Variants in CLCN4 observed in about 807,000 individuals in gnomAD.
The protein encoded by CLCN4 is H(+)/Cl(-) exchange transporter 4.
CLCN4 carries 1 observed loss-of-function variant against 41.7 expected under a neutral mutation model. The ratio of observed to expected loss-of-function variants is 0.02; its 90% CI spans 0.01 to 0.11. The LOEUF is 0.11. Ranked by LOEUF, CLCN4 falls within the 10% of genes least tolerant of loss-of-function variation. The pLI is 1.00. For missense variants in CLCN4, 287 were observed against 661.0 expected (o/e 0.43, Z 6.20); for synonymous variants, 277 against 285.8 (o/e 0.97, Z 0.31).
rs888711522 is a variant in CLCN4 at position 10,228,215 on chromosome X, C to T, written c.2193-5279C>T. Among the ~76,000 whole-genome samples, 3 of 110,233 alleles carry T rather than the reference C, an allele frequency of 2.7e-5. No homozygotes were observed. In the Admixed American group the frequency reaches 2.9e-4, roughly 11 times the overall value. On this transcript the variant is annotated intron_variant, in intron 12 of 12. Transcript: ENST00000380833. ...CTATTTTTTGTACCCATTAACCATC[C>T]TCCATCCCCTCCTCCCCCCTCCCCC...
intron 11 of CLCN4, among the ~76,000 whole-genome samples, chrX:10,216,879 A>ATGTGTGTGTGTG (rs201751237): frequency 1.4e-3 from 34 of 24,132 alleles, no homozygotes; most frequent in African/African-American, 2.2e-3. Context: ...TCTGTTGGGG[A>ATGTGTGTGTGTG]TGTGTGTGTG....
At chrX:10,160,419 GGA>G (rs1433473352) in intron 2 of CLCN4, among the ~76,000 whole-genome samples, 1 of 111,452 alleles carries the variant, frequency 9.0e-6, no homozygotes, top group Non-Finnish European at 1.9e-5. Context: ...TTGGCAGAAA[GGA>G]GAGTGTTAGG....
chrX:10,228,054 C>T (rs921621313), intron 12 of CLCN4, among the ~76,000 whole-genome samples: 2 of 110,712 alleles, frequency 1.8e-5, no homozygotes, highest in Admixed American at 1.9e-4. Context: ...AATGGGGTCT[C>T]CCAGCACCTC....
intron 2 of CLCN4, among the ~76,000 whole-genome samples, chrX:10,176,721 C>T (rs1923542204): frequency 8.9e-6 from 1 of 112,044 alleles, no homozygotes; most frequent in Non-Finnish European, 1.9e-5. Context: ...TTCCATCTGT[C>T]CAAGTCATCT....
At chrX:10,208,891 A>G (rs1924463944) in intron 9 of CLCN4, among the ~76,000 whole-genome samples, 1 of 112,144 alleles carries the variant, frequency 8.9e-6, no homozygotes, top group African/African-American at 3.2e-5. Context: ...AACCCACTTC[A>G]CACATTCCCA....
chrX:10,189,217 T>C (rs957431806), intron 4 of CLCN4, among the ~76,000 whole-genome samples: 1 of 111,755 alleles, frequency 8.9e-6, no homozygotes, highest in Non-Finnish European at 1.9e-5. Flanking sequence ...GAGAAATAAA[T>C]AGGGTAAATG....
intron 12 of CLCN4, among the ~76,000 whole-genome samples, chrX:10,231,743 G>A (rs919671232): frequency 9.0e-6 from 1 of 111,522 alleles, no homozygotes; most frequent in African/African-American, 3.3e-5. Flanking sequence ...TCCATTGCTC[G>A]GATGAGGTGG....
At chrX:10,224,955 G>T (rs1279359803) in intron 12 of CLCN4, among the ~76,000 whole-genome samples, 1 of 112,209 alleles carries the variant, frequency 8.9e-6, no homozygotes, top group Non-Finnish European at 1.9e-5. Context: ...GTATTCCATG[G>T]TATATATGTG....
intron 4 of CLCN4, among the ~76,000 whole-genome samples, chrX:10,193,005 C>T (rs375048295): frequency 1.5e-4 from 17 of 111,531 alleles, no homozygotes; most frequent in East Asian, 2.8e-4. Flanking sequence ...TGCTTTAGTT[C>T]GGTGTCGGAT....
At chrX:10,165,448 C>T (rs747189876) in intron 2 of CLCN4, among the ~76,000 whole-genome samples, 73 of 112,209 alleles carry the variant, frequency 6.5e-4, no homozygotes, top group African/African-American at 2.3e-3. Flanking sequence ...TGGTGTTCCC[C>T]TCTTTCCATC....
intron 12 of CLCN4, among the ~76,000 whole-genome samples, chrX:10,223,934 G>A (rs930732453): frequency 9.0e-6 from 1 of 111,708 alleles, no homozygotes; most frequent in African/African-American, 3.3e-5. Flanking sequence ...CGCTGAATTC[G>A]CTTCAACTGC....
rs1026596450 is a variant in CLCN4 at position 10,164,691 on chromosome X, G to A, written c.-12+6140G>A. Among the ~76,000 whole-genome samples the A allele has an allele frequency of 2.7e-5, 3 of 111,789 alleles. No individual in the cohort carries two copies. In the East Asian group the frequency reaches 8.4e-4, roughly 31 times the overall value. ...CCCTTGGTGATCAAAGAAGCCTGGC[G>A]TGGGAGGGTAGTGTGAACTACAGGG... is the stretch of plus-strand genomic sequence containing the variant. On this transcript the variant is annotated intron_variant, in intron 2 of 12. Coordinates refer to ENST00000380833, the MANE Select transcript of CLCN4 (RefSeq NM_001830.4).
chrX:10,200,056 G>GT lies in CLCN4; in HGVS notation c.555+2002dup, dbSNP rs770860198. ...GTGAGCCGCCACGCCTGGCCTTCTTGTTTTTTTATTGTTTTATATAGAGAC... is the reference window on the plus strand; with the variant it reads ...GTGAGCCGCCACGCCTGGCCTTCTTGTTTTTTTTATTGTTTTATATAGAGAC... On this transcript the variant is annotated intron_variant, in intron 6 of 12. Coordinates refer to ENST00000380833, the MANE Select transcript of CLCN4 (RefSeq NM_001830.4). 2.4e-4 allele frequency among the ~76,000 whole-genome samples: 27 copies of GT among 111,948 alleles called. No individual in the cohort carries two copies. The East Asian group carries it at 7.1e-3, about 29-fold the overall frequency.
chrX:10,211,770 G>A (rs1924560107), intron 9 of CLCN4, among the ~76,000 whole-genome samples: 1 of 112,272 alleles, frequency 8.9e-6, no homozygotes, highest in Non-Finnish European at 1.9e-5. Flanking sequence ...AAACTAAAAT[G>A]TATCTTCATC....
chrX:10,157,028 T>A lies in CLCN4; in HGVS notation c.-347T>A, dbSNP rs1922970572. ...ATGAGCTTGTCAGTTTCTGCCTCCA[T>A]TAGACCCTCAACCCAAAGGAGCAGG... On this transcript the variant is annotated 5_prime_UTR_variant, in exon 1 of 13. Transcript: ENST00000380833. 1 of 296,846 alleles carries A rather than the reference T, an allele frequency of 3.4e-6. No homozygotes were observed. Among genetic ancestry groups the A allele is most frequent in the Non-Finnish European group, 5.9e-6 (1 of 170,240 alleles). 24.5% of individuals were successfully genotyped at this position (296,846 alleles called of 1,213,427 possible).
At chrX:10,212,837 G>GCGCACACACACACACACACACACACA (rs1555977007) in intron 10 of CLCN4, among the ~76,000 whole-genome samples, 184 bp downstream of exon 10, 1 of 106,564 alleles carries the variant, frequency 9.4e-6, no homozygotes, top group African/African-American at 3.5e-5. Flanking sequence ...CGCTCACTAT[G>GCGCACACACACACACACACACACACA]CAGACACACA....
intron 11 of CLCN4, among the ~76,000 whole-genome samples, chrX:10,217,519 G>A (rs921421434): frequency 1.8e-5 from 2 of 111,740 alleles, no homozygotes; most frequent in Admixed American, 1.9e-4. Flanking sequence ...GGTGGAGGCA[G>A]AATTGCTCCC....
chrX:10,219,737 C>T (rs1389957557), intron 11 of CLCN4, among the ~76,000 whole-genome samples: 1 of 112,197 alleles, frequency 8.9e-6, no homozygotes, highest in African/African-American at 3.2e-5. Flanking sequence ...TTATGGGAAC[C>T]AGGATCCATT....
At position 10,232,648 on chromosome X, in the gene CLCN4, C is replaced by T. The variant is rs370025478; in HGVS notation, c.2193-846C>T. On this transcript the variant is annotated intron_variant, in intron 12 of 12. Coordinates refer to ENST00000380833, the MANE Select transcript of CLCN4 (RefSeq NM_001830.4). ...ACCCAAGGGACATGATGTGTTCCTGCAGGTGGTCATTTAGTAAAATAATGA... is the reference window on the plus strand; with the variant it reads ...ACCCAAGGGACATGATGTGTTCCTGTAGGTGGTCATTTAGTAAAATAATGA... Among the ~76,000 whole-genome samples, 19 of 111,895 alleles carry T rather than the reference C, an allele frequency of 1.7e-4. No individual in the cohort carries two copies. In the East Asian group the frequency reaches 2.8e-3, roughly 17 times the overall value.
Sources: allele counts gnomAD v4.1 joint callset (sites outside exome capture counted in the v4.1 genomes callset), GRCh38; gene constraint gnomAD v4.1.1; transcripts MANE v1.5; gene names NCBI Gene and HGNC (gene_info 2026-07-23, HGNC 2026-07-21).